IFT57: variants seen among roughly 807,000 people sequenced by gnomAD.
IFT57 encodes intraflagellar transport 57, also known as intraflagellar transport protein 57 homolog.
IFT57 carries 59 observed loss-of-function variants against 56.8 expected under a neutral mutation model. That is an observed-to-expected ratio of 1.04 (90% CI 0.84 to 1.29). The LOEUF (loss-of-function observed/expected upper bound fraction) is 1.29. IFT57 is among the 50% of genes most tolerant of loss of function. The pLI is 0.00. For synonymous variants in IFT57, 209 were observed against 186.1 expected, an observed-to-expected ratio of 1.12 and a Z score of -1.00; for missense variants, 470 against 522.1, an observed-to-expected ratio of 0.90 and a Z score of 0.97.
At chr3:108,196,605 C>G (rs925148255) in intron 5 of IFT57, among the ~76,000 whole-genome samples, 1 of 152,072 alleles carries the variant, frequency 6.6e-6, no homozygotes, top group Non-Finnish European at 1.5e-5. Context: ...TTATTTGGTT[C>G]CCTTAAGCAA....
intron 5 of IFT57, among the ~76,000 whole-genome samples, chr3:108,205,282 A>G (rs1468577196): frequency 6.6e-6 from 1 of 152,086 alleles, no homozygotes; most frequent in Non-Finnish European, 1.5e-5. Flanking sequence ...AAACCCTATG[A>G]CAAAGGTAAA....
chr3:108,194,884 GA>G (rs2080235332), intron 5 of IFT57, among the ~76,000 whole-genome samples: 1 of 151,970 alleles, frequency 6.6e-6, no homozygotes, highest in Non-Finnish European at 1.5e-5. Flanking sequence ...AAACACTGGG[GA>G]AACACTCCAG....
intron 6 of IFT57, among the ~76,000 whole-genome samples, chr3:108,174,968 T>C (rs1033386713): frequency 2.0e-5 from 3 of 151,884 alleles, no homozygotes; most frequent in South Asian, 4.1e-4. Flanking sequence ...ATGTATTTTA[T>C]AGTGAGAAAA....
intron 6 of IFT57, among the ~76,000 whole-genome samples, chr3:108,175,316 T>C (rs1000830629): frequency 6.6e-6 from 1 of 151,826 alleles, no homozygotes; most frequent in Non-Finnish European, 1.5e-5. Flanking sequence ...CTTTAGAATT[T>C]CTATGTTTCA....
intron 6 of IFT57, among the ~76,000 whole-genome samples, chr3:108,170,148 G>A (rs1339281404): frequency 2.6e-5 from 4 of 151,990 alleles, no homozygotes; most frequent in Non-Finnish European, 5.9e-5. Flanking sequence ...GTTCTAGCCT[G>A]GGCAATCAGG....
At chr3:108,171,693 G>A (rs2080093104) in intron 6 of IFT57, among the ~76,000 whole-genome samples, 1 of 151,748 alleles carries the variant, frequency 6.6e-6, no homozygotes, top group Non-Finnish European at 1.5e-5. Context: ...TTCTGCACCT[G>A]GACCAAATAT....
chr3:108,207,016 G>T (rs953020576), intron 4 of IFT57, among the ~76,000 whole-genome samples: 3 of 152,134 alleles, frequency 2.0e-5, no homozygotes, highest in African/African-American at 7.2e-5. Flanking sequence ...AACAGGGCAA[G>T]AAACAAACCC....
At chr3:108,207,538 A>T (rs1030078769) in intron 4 of IFT57, among the ~76,000 whole-genome samples, 3 of 152,218 alleles carry the variant, frequency 2.0e-5, no homozygotes, top group African/African-American at 7.2e-5. Context: ...ATGATTTTAT[A>T]AGGAAAAAAG....
chr3:108,170,275 T>C (rs2080085925), intron 6 of IFT57, among the ~76,000 whole-genome samples: 1 of 152,058 alleles, frequency 6.6e-6, no homozygotes, highest in Admixed American at 6.6e-5. Flanking sequence ...CAAAACTCCT[T>C]AAGCTAATAA....
At chr3:108,189,420 T>G (rs1187198183) in intron 6 of IFT57, among the ~76,000 whole-genome samples, 1 of 152,208 alleles carries the variant, frequency 6.6e-6, no homozygotes, top group Non-Finnish European at 1.5e-5. Flanking sequence ...TAAGAATAAA[T>G]TAGCTTCTAA....
intron 6 of IFT57, among the ~76,000 whole-genome samples, chr3:108,168,143 C>A (rs1213919422): frequency 6.6e-6 from 1 of 151,648 alleles, no homozygotes; most frequent in Non-Finnish European, 1.5e-5. Flanking sequence ...TATGACTACC[C>A]ATTAAAATGA....
At chr3:108,194,737 G>A (rs2080234371) in intron 5 of IFT57, among the ~76,000 whole-genome samples, 1 of 152,076 alleles carries the variant, frequency 6.6e-6, no homozygotes, top group Admixed American at 6.6e-5. Context: ...CATACATTGT[G>A]GAAAGGACAG....
chr3:108,180,529 T>C (rs1257339500), intron 6 of IFT57, among the ~76,000 whole-genome samples: 1 of 151,986 alleles, frequency 6.6e-6, no homozygotes, highest in Non-Finnish European at 1.5e-5. Flanking sequence ...GATCTCATAC[T>C]GATAAAACTC....
chr3:108,161,734 CTT>C lies in IFT57; in HGVS notation c.*741_*742del, dbSNP rs2080033206. Reference sequence around the variant, plus strand: ...TTCATGCGACCTGTCATCGTTCCTTCTTCTACAAAATGGTTCCCTAGTATAGC... The same window carrying C: ...TTCATGCGACCTGTCATCGTTCCTTCCTACAAAATGGTTCCCTAGTATAGC... On this transcript the variant is annotated 3_prime_UTR_variant, in exon 11 of 11. Coordinates refer to ENST00000264538, the MANE Select transcript of IFT57 (RefSeq NM_018010.4). The C allele has an allele frequency of 6.6e-6, 1 of 152,114 alleles. No individual in the cohort carries two copies. Among genetic ancestry groups the C allele is most frequent in the Non-Finnish European group, 1.5e-5 (1 of 68,038 alleles). The allele number at this position is 152,114 out of a possible 1,614,324, so 9.4% of individuals were successfully genotyped here.
chr3:108,198,940 T>C (rs1381340182), intron 5 of IFT57, among the ~76,000 whole-genome samples: 1 of 151,404 alleles, frequency 6.6e-6, no homozygotes, highest in African/African-American at 2.4e-5. Flanking sequence ...CACATATTTG[T>C]ATTATTTTAT....
chr3:108,222,374 C>A lies in IFT57; in HGVS notation c.-52G>T. 1.3e-6 allele frequency: 2 copies of A among 1,514,926 alleles called. No individual in the cohort carries two copies. The highest frequency in any genetic ancestry group is 1.8e-6 in the Non-Finnish European group (2 of 1,132,178). 93.8% of individuals were successfully genotyped at this position (1,514,926 alleles called of 1,614,324 possible). ...GCTCAGGCCCACAGACCTCTGCGGC[C>A]TAAGCCGCCAGCCCTGCCGCCGCCA... On this transcript the variant is annotated 5_prime_UTR_variant, in exon 1 of 11. The change creates a new upstream start codon in the 5' untranslated region. Transcript: ENST00000264538.
At chr3:108,184,412 CCA>C (rs1408423650) in intron 6 of IFT57, among the ~76,000 whole-genome samples, 3 of 151,758 alleles carry the variant, frequency 2.0e-5, no homozygotes, top group Non-Finnish European at 2.9e-5. Flanking sequence ...TGCAGATGAA[CCA>C]CACAGGCTAA....
intron 4 of IFT57, among the ~76,000 whole-genome samples, chr3:108,209,943 C>A (rs112969205): frequency 3.3e-5 from 5 of 150,456 alleles, no homozygotes; most frequent in African/African-American, 1.2e-4. Flanking sequence ...TGTGTACCTC[C>A]TATTGGTTCT....
intron 6 of IFT57, among the ~76,000 whole-genome samples, chr3:108,185,053 C>A (rs527529055): frequency 1.3e-4 from 20 of 152,122 alleles, no homozygotes; most frequent in Admixed American, 1.3e-3. Context: ...ATAAATGAAT[C>A]CAGCATAAGA....
Sources: gnomAD v4.1 joint callset for allele counts (sites outside exome capture counted in the v4.1 genomes callset) on GRCh38, gnomAD v4.1.1 for gene constraint, MANE v1.5 for transcripts, NCBI Gene and HGNC (gene_info 2026-07-23, HGNC 2026-07-21) for gene names.